ADH4: variants seen among roughly 807,000 people sequenced by gnomAD.
The protein encoded by ADH4 is all-trans-retinol dehydrogenase [NAD(+)] ADH4.
A neutral mutation model predicts 35.2 loss-of-function variants in ADH4; 31 were observed. That is an observed-to-expected ratio of 0.88 (90% CI 0.66 to 1.19). ADH4 has a LOEUF of 1.19. Ranked by LOEUF, ADH4 falls within the 50% of genes most tolerant of loss-of-function variation. The pLI, the probability that ADH4 is intolerant of heterozygous loss-of-function variation, is 0.00. For synonymous variants in ADH4, 171 were observed against 160.2 expected, an observed-to-expected ratio of 1.07 and a Z score of -0.51; for missense variants, 476 against 458.3, an observed-to-expected ratio of 1.04 and a Z score of -0.35.
At chr4:99,143,255 T>C (rs1428371879) in intron 1 of ADH4, 1 of 701,530 alleles carries the variant, frequency 1.4e-6, no homozygotes, top group Non-Finnish European at 2.6e-6. Context: ...TCACATCACT[T>C]GGGAATTTGT....
intron 3 of ADH4, 108 bp downstream of exon 3, chr4:99,141,433 C>A: frequency 1.9e-6 from 2 of 1,059,862 alleles, no homozygotes; most frequent in Non-Finnish European, 2.6e-6. Context: ...AAAAGATGGT[C>A]CCCTTTTGTA....
chr4:99,129,040 T>C (rs1579393909), intron 6 of ADH4, among the ~76,000 whole-genome samples: 2 of 152,222 alleles, frequency 1.3e-5, no homozygotes, highest in East Asian at 3.9e-4. Flanking sequence ...GCTCAAGCAG[T>C]CTGCCCACCT....
At chr4:99,133,304 A>G (rs1166755652) in intron 5 of ADH4, among the ~76,000 whole-genome samples, 1 of 152,226 alleles carries the variant, frequency 6.6e-6, no homozygotes, top group Admixed American at 6.5e-5. Context: ...ATGATTATCT[A>G]TCTGCAAGTA....
chr4:99,134,124 G>A (rs1729365485), intron 5 of ADH4, among the ~76,000 whole-genome samples: 1 of 152,186 alleles, frequency 6.6e-6, no homozygotes, highest in Non-Finnish European at 1.5e-5. Flanking sequence ...CAGAAGCAGA[G>A]ACTAGGATGG....
chr4:99,135,503 G>A (rs941073770), intron 5 of ADH4, among the ~76,000 whole-genome samples: 2 of 152,152 alleles, frequency 1.3e-5, no homozygotes, highest in African/African-American at 4.8e-5. Context: ...GTAGATCTCT[G>A]AGAGGAAGTG....
chr4:99,129,868 T>G (rs1579394602), intron 6 of ADH4, among the ~76,000 whole-genome samples: 1 of 152,230 alleles, frequency 6.6e-6, no homozygotes, highest in East Asian at 1.9e-4. Context: ...GAATTATGTA[T>G]TCCCCTGCTG....
chr4:99,143,327 A>G (rs1579407509), intron 1 of ADH4: 2 of 672,956 alleles, frequency 3.0e-6, no homozygotes, highest in African/African-American at 3.5e-5. Context: ...CAATATCCCC[A>G]GAGAATTCAT....
chr4:99,139,259 G>A (rs1278970286), intron 3 of ADH4, 111 bp from the exon 4 acceptor site: 16 of 652,300 alleles, frequency 2.5e-5, no homozygotes, highest in South Asian at 8.3e-5. Flanking sequence ...TATATTCAGT[G>A]GAAAGTATAG....
At position 99,131,731 on chromosome 4, in the gene ADH4, G is replaced by T; in HGVS notation, c.616C>A (p.Leu206Ile). The T allele has an allele frequency of 6.2e-7, 1 of 1,614,088 alleles. No homozygotes were observed. Among genetic ancestry groups the T allele is most frequent in the African/African-American group, 1.3e-5 (1 of 75,036 alleles). ...ACAGCAGAAAGACCCACACCTCCTA[G>T]GCCAAAGACAGCACAAGTCGAACCA... ...TPGSTCAVFGLGGVGLSAVMG... is the reference protein window; with the variant it reads ...TPGSTCAVFGIGGVGLSAVMG... The change falls in exon 6 of 9, where the codon CTA (leucine) becomes ATA (isoleucine). Residue 206 changes from leucine (L) to isoleucine (I), a missense_variant. Transcript: ENST00000265512.
chr4:99,139,148 C>A lies in ADH4; in HGVS notation c.263G>T (p.Gly88Val), dbSNP rs905887950. 6.2e-7 allele frequency: 1 copy of A among 1,610,870 alleles called. No individual in the cohort carries two copies. The highest frequency in any genetic ancestry group is 8.5e-7 in the Non-Finnish European group (1 of 1,177,878). The change falls in exon 4 of 9, where the codon GGT becomes GTT. Residue 88 changes from glycine (G) to valine (V), a missense_variant and splice_region_variant. By Grantham distance (109) the Gly-to-Val change is moderately radical. Transcript: ENST00000265512. The part of the protein sequence containing the change: ...IGPGVTNVKP[G>V]DKVIPLYAPL... Reference sequence around the variant, plus strand: ...TGCATAAAGTGGAATTACTTTGTCACCTAGAAAGAAAGGCCATATGTTGGA... The same window carrying A: ...TGCATAAAGTGGAATTACTTTGTCAACTAGAAAGAAAGGCCATATGTTGGA...
At chr4:99,136,772 A>G in intron 4 of ADH4, 75 bp from the exon 5 acceptor site, 2 of 928,930 alleles carry the variant, frequency 2.2e-6, no homozygotes, top group Non-Finnish European at 3.2e-6. Context: ...TTTTCCTACA[A>G]AATATGTTGA....
At chr4:99,129,897 C>T (rs1219144054) in intron 6 of ADH4, among the ~76,000 whole-genome samples, 1 of 152,190 alleles carries the variant, frequency 6.6e-6, no homozygotes, top group Non-Finnish European at 1.5e-5. Context: ...ATCCTGAACA[C>T]ACTTTTCCCA....
In ADH4 at chr4:99,127,238, C is replaced by G. The variant is rs1338797862; in HGVS notation, c.950G>C (p.Gly317Ala). The G allele has an allele frequency of 6.2e-7, 1 of 1,610,722 alleles. No individual in the cohort carries two copies. The highest frequency in any genetic ancestry group is 1.1e-5 in the South Asian group (1 of 90,562). Residue 317 changes from glycine (G) to alanine (A), a missense_variant, in exon 7 of 9, where the codon GGC (glycine) becomes GCC (alanine). Physicochemically the swap from Gly to Ala is moderately conservative, Grantham distance 60. Transcript: ENST00000265512. ...AAAGAATGTTCCATTTATAGTACGG[C>G]CGATTATTAGCTCCTCTGGAAAAAT... Reference protein sequence around the residue: ...LTIFPEELIIGRTINGTFFGG... With the variant: ...LTIFPEELIIARTINGTFFGG...
chr4:99,127,340 G>C lies in ADH4; in HGVS notation c.848C>G (p.Ala283Gly). ...GCCTGCGGTTGTACAGTCCAGGGCT[G>C]CTTTCTGTGATGGAGCATAAAAGAA... ...DCAGGSETMK[A>G]ALDCTTAGWG... The change falls in exon 7 of 9, where the codon GCA (alanine) becomes GGA (glycine). Residue 283 changes from alanine (A) to glycine (G), a missense_variant. By Grantham distance (60) the Ala-to-Gly change is moderately conservative. Transcript: ENST00000265512. The C allele has an allele frequency of 6.3e-7, 1 of 1,585,002 alleles. No homozygotes were observed.
At chr4:99,135,795 C>T (rs1729415165) in intron 5 of ADH4, among the ~76,000 whole-genome samples, 2 of 152,172 alleles carry the variant, frequency 1.3e-5, no homozygotes, top group African/African-American at 4.8e-5. Flanking sequence ...GGTTTTGAGT[C>T]AGGAATAAAG....
chr4:99,143,818 G>A (rs1266904341), intron 1 of ADH4, among the ~76,000 whole-genome samples: 1 of 152,056 alleles, frequency 6.6e-6, no homozygotes, highest in African/African-American at 2.4e-5. Flanking sequence ...GATTCTTCGA[G>A]TATCCCCAAA....
chr4:99,124,560 G>GA, intron 8 of ADH4, 94 bp from the exon 9 acceptor site: 1 of 754,056 alleles, frequency 1.3e-6, no homozygotes, highest in Non-Finnish European at 2.1e-6. Context: ...TTCAGGATCT[G>GA]GTCTTCCTTT....
chr4:99,129,688 T>A (rs1156917462), intron 6 of ADH4, among the ~76,000 whole-genome samples: 1 of 152,176 alleles, frequency 6.6e-6, no homozygotes, highest in East Asian at 1.9e-4. Context: ...CTATTATAAG[T>A]TTTTTTCCTC....
At chr4:99,137,885 TG>T (rs28987090) in intron 4 of ADH4, among the ~76,000 whole-genome samples, 1,786 of 152,282 alleles carry the variant, frequency 0.012, 37 homozygotes, top group African/African-American at 0.041. Context: ...TCCACATTTT[TG>T]TTGTCTCTTA....
Sources: gnomAD v4.1 joint callset for allele counts (sites outside exome capture counted in the v4.1 genomes callset) on GRCh38, gnomAD v4.1.1 for gene constraint, MANE v1.5 for transcripts, NCBI Gene and HGNC (gene_info 2026-07-23, HGNC 2026-07-21) for gene names.